Variants in SLC16A10 observed in about 807,000 individuals in gnomAD.
SLC16A10 encodes the protein solute carrier family 16 member 10.
In SLC16A10, 27 loss-of-function variants were observed where a neutral mutation model predicts 40.0. That is an observed-to-expected ratio of 0.67 (90% CI 0.50 to 0.93). SLC16A10 has a LOEUF of 0.93. Among genes scored for constraint, SLC16A10 ranks in the 40% least tolerant of loss-of-function variants. The pLI is 0.00. For synonymous variants in SLC16A10, 213 were observed against 249.8 expected (o/e 0.85, Z 1.39); for missense variants, 529 against 658.2 (o/e 0.80, Z 2.15).
chr6:111,124,812 A>G (rs118075363), intron 1 of SLC16A10, among the ~76,000 whole-genome samples: 5 of 152,384 alleles, frequency 3.3e-5, no homozygotes, highest in Non-Finnish European at 7.3e-5. Context: ...CAGACTTTCT[A>G]TAGGAAAAAT....
intron 1 of SLC16A10, among the ~76,000 whole-genome samples, chr6:111,158,049 A>G (rs1020235578): frequency 6.6e-6 from 1 of 152,132 alleles, no homozygotes; most frequent in Non-Finnish European, 1.5e-5. Flanking sequence ...ACAGAGAGCT[A>G]TTCTATCGTA....
At chr6:111,205,844 GTTATA>G (rs1442329834) in intron 3 of SLC16A10, among the ~76,000 whole-genome samples, 1 of 152,176 alleles carries the variant, frequency 6.6e-6, no homozygotes, top group Non-Finnish European at 1.5e-5. Flanking sequence ...TGGATGCTCT[GTTATA>G]ACTCGTTTCA....
At chr6:111,210,812 G>A (rs1021026717) in intron 4 of SLC16A10, among the ~76,000 whole-genome samples, 5 of 152,032 alleles carry the variant, frequency 3.3e-5, no homozygotes, top group Non-Finnish European at 7.4e-5. Context: ...CAAGGCTGGC[G>A]GATCACGAGG....
chr6:111,207,658 G>A (rs1773277740), intron 4 of SLC16A10, among the ~76,000 whole-genome samples: 3 of 152,204 alleles, frequency 2.0e-5, no homozygotes, highest in African/African-American at 7.2e-5. Context: ...TGAGTCACTA[G>A]TGAAGGGCTG....
intron 3 of SLC16A10, 176 bp downstream of exon 3, chr6:111,177,841 A>G (rs1772714873): frequency 1.1e-5 from 6 of 559,790 alleles, no homozygotes; most frequent in Non-Finnish European, 1.5e-5. Context: ...AGACCACTAA[A>G]CAGAGAGAGT....
In SLC16A10 at chr6:111,227,101, G is replaced by C. The variant is rs1416528820; in HGVS notation, c.*4866G>C. The C allele has an allele frequency of 6.6e-6, 1 of 152,284 alleles. No individual in the cohort carries two copies. Among genetic ancestry groups the C allele is most frequent in the Non-Finnish European group, 1.5e-5 (1 of 68,100 alleles). The allele number at this position is 152,284 out of a possible 1,614,324, so 9.4% of individuals were successfully genotyped here. A position where few individuals can be genotyped will look rare whatever the true frequency, so the allele number is the denominator to read the frequency against. On this transcript the variant is annotated 3_prime_UTR_variant, in exon 6 of 6. Coordinates refer to ENST00000368851, the MANE Select transcript of SLC16A10 (RefSeq NM_018593.5). ...TGGTTGCACCACTGCACTCCAGCCT[G>C]GGTGACAAAATGAGACCTTGTCTAC...
At chr6:111,108,741 A>G (rs1771331705) in intron 1 of SLC16A10, among the ~76,000 whole-genome samples, 2 of 152,184 alleles carry the variant, frequency 1.3e-5, no homozygotes, top group African/African-American at 4.8e-5. Flanking sequence ...AAGAGAATAA[A>G]TGAGATTGCT....
rs1288843966 is a variant in SLC16A10 at position 111,230,640 on chromosome 6, T to G, written c.*8405T>G. ...TAAAAGTTGCATTTTGCTTTTGTTC[T>G]TCCACCAGTTTATTTTAGCCTTAAA... On this transcript the variant is annotated 3_prime_UTR_variant, in exon 6 of 6. Transcript: ENST00000368851. 1 of 152,244 alleles carries G rather than the reference T, an allele frequency of 6.6e-6. No homozygotes were observed. Among genetic ancestry groups the G allele is most frequent in the Non-Finnish European group, 1.5e-5 (1 of 68,040 alleles). 9.4% of individuals were successfully genotyped at this position (152,244 alleles called of 1,614,324 possible).
intron 1 of SLC16A10, among the ~76,000 whole-genome samples, chr6:111,127,343 G>A (rs182084075): frequency 2.0e-5 from 3 of 152,294 alleles, no homozygotes; most frequent in Admixed American, 2.0e-4. Context: ...GAATACCTGG[G>A]GGAATCACTT....
chr6:111,201,803 G>T lies in SLC16A10; in HGVS notation c.943-4789G>T, dbSNP rs189042204. ...CTTCACAGGTTTCTGTAAATAAAGT[G>T]ATTTGGGGTTCCCTTCTGTTGAGCA... is the stretch of plus-strand genomic sequence containing the variant. On this transcript the variant is annotated intron_variant, in intron 3 of 5. Transcript: ENST00000368851. Among the ~76,000 whole-genome samples, 195 of 152,300 alleles carry T rather than the reference G, an allele frequency of 1.3e-3. 2 individuals are homozygous for T. The highest frequency in any genetic ancestry group is 0.011 in the South Asian group (55 of 4,824).
At chr6:111,153,843 G>C (rs1376394700) in intron 1 of SLC16A10, among the ~76,000 whole-genome samples, 1 of 152,166 alleles carries the variant, frequency 6.6e-6, no homozygotes, top group African/African-American at 2.4e-5. Flanking sequence ...TGCTTGCTTT[G>C]AGTATATTTT....
chr6:111,169,802 T>C lies in SLC16A10; in HGVS notation c.344-2893T>C, dbSNP rs146153782. Among the ~76,000 whole-genome samples the C allele has an allele frequency of 6.6e-5, 10 of 152,332 alleles. No individual in the cohort carries two copies. The East Asian group carries it at 1.7e-3, about 26-fold the overall frequency. ...GCTATATTTGATTATATCCTGTTAG[T>C]GCTTATTCAATAGACACATAAATCT... On this transcript the variant is annotated intron_variant, in intron 1 of 5. Transcript: ENST00000368851.
At chr6:111,088,235 T>C in intron 1 of SLC16A10, 140 bp downstream of exon 1, 1 of 807,794 alleles carries the variant, frequency 1.2e-6, no homozygotes, top group East Asian at 3.1e-5. Flanking sequence ...GGGGGGTCTT[T>C]CGAGTTGCAG....
intron 1 of SLC16A10, among the ~76,000 whole-genome samples, chr6:111,125,659 A>G (rs1771662991): frequency 1.3e-5 from 2 of 152,142 alleles, no homozygotes; most frequent in African/African-American, 4.8e-5. Flanking sequence ...TTGAATATCC[A>G]TAAGAGTTTA....
chr6:111,185,011 A>G (rs900994470), intron 3 of SLC16A10, among the ~76,000 whole-genome samples: 5 of 152,196 alleles, frequency 3.3e-5, no homozygotes, highest in African/African-American at 1.2e-4. Context: ...GAGCCACGCA[A>G]ATAGGAACAG....
chr6:111,226,416 G>C lies in SLC16A10; in HGVS notation c.*4181G>C, dbSNP rs1261081008. ...TTAGAGTAAATTCCCAGAGTTTAGA[G>C]ATACAAGTAGAAATGCATAAGCTAA... On this transcript the variant is annotated 3_prime_UTR_variant, in exon 6 of 6. Coordinates refer to ENST00000368851, the MANE Select transcript of SLC16A10 (RefSeq NM_018593.5). The C allele has an allele frequency of 6.6e-6, 1 of 152,144 alleles. No individual in the cohort carries two copies. Among genetic ancestry groups the C allele is most frequent in the East Asian group, 1.9e-4 (1 of 5,190 alleles). The allele number at this position is 152,144 out of a possible 1,614,324, so 9.4% of individuals were successfully genotyped here.
chr6:111,142,208 TAGACCC>T (rs1771995502), intron 1 of SLC16A10, among the ~76,000 whole-genome samples: 1 of 152,014 alleles, frequency 6.6e-6, no homozygotes, highest in Non-Finnish European at 1.5e-5. Flanking sequence ...AGCCCAGAAA[TAGACCC>T]AGACAAATAC....
At chr6:111,179,713 C>G (rs1412961955) in intron 3 of SLC16A10, among the ~76,000 whole-genome samples, 1 of 152,140 alleles carries the variant, frequency 6.6e-6, no homozygotes, top group East Asian at 1.9e-4. Flanking sequence ...GTTAATAAAC[C>G]ATGCCTTTTT....
intron 1 of SLC16A10, among the ~76,000 whole-genome samples, chr6:111,141,438 G>A (rs1019315011): frequency 3.3e-5 from 5 of 152,148 alleles, no homozygotes; most frequent in South Asian, 2.1e-4. Flanking sequence ...CAAGGCAGGC[G>A]GATCACCTGG....
Sources: allele counts gnomAD v4.1 joint callset (sites outside exome capture counted in the v4.1 genomes callset), GRCh38; gene constraint gnomAD v4.1.1; transcripts MANE v1.5; gene names NCBI Gene and HGNC (gene_info 2026-07-23, HGNC 2026-07-21).